The following DSCAM variants were observed in gnomAD, a reference collection of about 807,000 sequenced individuals.
The protein encoded by DSCAM is DS cell adhesion molecule, also known as cell adhesion molecule DSCAM.
In DSCAM, 47 loss-of-function variants were observed where a neutral mutation model predicts 217.7. The ratio of observed to expected loss-of-function variants is 0.22; its 90% confidence interval spans 0.17 to 0.28. The LOEUF (loss-of-function observed/expected upper bound fraction) is 0.28. Ranked by LOEUF, DSCAM falls within the 10% of genes least tolerant of loss-of-function variation. The pLI is 1.00. For synonymous variants in DSCAM, 1,056 were observed against 1,015.3 expected, an observed-to-expected ratio of 1.04 and a Z score of -0.76; for missense variants, 2,080 against 2,618.3, an observed-to-expected ratio of 0.79 and a Z score of 4.49.
intron 3 of DSCAM, among the ~76,000 whole-genome samples, chr21:40,410,199 T>C (rs1235148321): frequency 6.6e-6 from 1 of 152,070 alleles, no homozygotes; most frequent in East Asian, 1.9e-4. Context: ...ATAAGAAATT[T>C]AATATCTGAA....
At chr21:40,353,152 A>G (rs972856761) in intron 5 of DSCAM, among the ~76,000 whole-genome samples, 3 of 152,192 alleles carry the variant, frequency 2.0e-5, no homozygotes, top group Admixed American at 1.3e-4. Flanking sequence ...TTGTGAATTC[A>G]TCAGCTAGGA....
At chr21:40,761,544 C>T (rs2091335493) in intron 1 of DSCAM, among the ~76,000 whole-genome samples, 1 of 152,056 alleles carries the variant, frequency 6.6e-6, no homozygotes, top group Non-Finnish European at 1.5e-5. Context: ...CCTCACAGCT[C>T]TCAGAAAAAA....
At chr21:40,352,514 G>A (rs189421502) in intron 5 of DSCAM, among the ~76,000 whole-genome samples, 51 of 152,038 alleles carry the variant, frequency 3.4e-4, no homozygotes, top group East Asian at 1.5e-3. Context: ...CTGGTGTTGC[G>A]CTAAGGCAGT....
rs538045032 is a variant in DSCAM at position 40,425,233 on chromosome 21, A to G, written c.509-55988T>C. Among the ~76,000 whole-genome samples, 365 of 152,042 alleles carry G rather than the reference A, an allele frequency of 2.4e-3. 2 individuals are homozygous for G. Among genetic ancestry groups the G allele is most frequent in the African/African-American group, 8.2e-3 (341 of 41,472 alleles). On this transcript the variant is annotated intron_variant, in intron 3 of 32. Transcript: ENST00000400454. ...AGATAATGATGTAGCTGAGATTAAA[A>G]TTCTCTTCCCGGCCAGGCATGGTGG...
At chr21:40,102,825 C>T (rs114822478) in intron 20 of DSCAM, among the ~76,000 whole-genome samples, 1 of 152,310 alleles carries the variant, frequency 6.6e-6, no homozygotes, top group African/African-American at 2.4e-5. Flanking sequence ...CAATCAGGGG[C>T]TAAGTCTGCC....
intron 16 of DSCAM, among the ~76,000 whole-genome samples, chr21:40,148,059 T>C (rs1341351318): frequency 2.0e-5 from 3 of 152,168 alleles, no homozygotes; most frequent in Non-Finnish European, 4.4e-5. Context: ...TGCAATATCA[T>C]AGGGTAAGTT....
intron 30 of DSCAM, among the ~76,000 whole-genome samples, chr21:40,051,205 A>G (rs2088925518): frequency 6.6e-6 from 1 of 152,244 alleles, no homozygotes; most frequent in South Asian, 2.1e-4. Context: ...CAAAATGATA[A>G]TAATCAGGAC....
In DSCAM at chr21:40,338,183, T is replaced by C. The variant is rs1437111490; in HGVS notation, c.1701A>G (p.Glu567=). Residue 567 remains glutamate (E), a synonymous_variant, in exon 8 of 33, where the codon GAA becomes GAG. Transcript: ENST00000400454. The part of the protein sequence containing the change: ...GTLKLSDVQK[E]VDEGEYTCNV... The stretch of plus-strand genomic sequence containing the variant: ...TGCACGTGTACTCCCCCTCGTCCAC[T>C]TCCTTTTGCACATCTGAAAGTTTAA... 1.9e-6 allele frequency: 3 copies of C among 1,614,274 alleles called. No individual in the cohort carries two copies. Among genetic ancestry groups the C allele is most frequent in the African/African-American group, 1.3e-5 (1 of 75,074 alleles).
intron 32 of DSCAM, among the ~76,000 whole-genome samples, chr21:40,029,380 A>G (rs1287946671): frequency 1.3e-5 from 2 of 151,056 alleles, no homozygotes; most frequent in Non-Finnish European, 2.9e-5. Context: ...CCCCAGACAC[A>G]AGGTTATGAG....
chr21:40,464,323 C>A (rs1351111100), intron 3 of DSCAM, among the ~76,000 whole-genome samples: 2 of 152,170 alleles, frequency 1.3e-5, no homozygotes, highest in Non-Finnish European at 2.9e-5. Context: ...TGACAAGAAA[C>A]AATAAACAAG....
At chr21:40,334,802 C>T (rs953334080) in intron 8 of DSCAM, among the ~76,000 whole-genome samples, 2 of 152,118 alleles carry the variant, frequency 1.3e-5, no homozygotes, top group African/African-American at 4.8e-5. Flanking sequence ...CTCGTCCCAC[C>T]TTGCCTGGCT....
At chr21:40,846,320 G>T (rs1000807145) in intron 1 of DSCAM, among the ~76,000 whole-genome samples, 3 of 151,992 alleles carry the variant, frequency 2.0e-5, no homozygotes, top group Non-Finnish European at 4.4e-5. Context: ...ACCAAACCTG[G>T]TTTATTCTGA....
chr21:40,539,958 A>G (rs1046409959), intron 3 of DSCAM, among the ~76,000 whole-genome samples: 3 of 152,194 alleles, frequency 2.0e-5, no homozygotes, highest in Non-Finnish European at 4.4e-5. Context: ...AAATATGGCC[A>G]AAAAACCTGT....
At chr21:40,187,293 C>T (rs1024659191) in intron 13 of DSCAM, 34 bp from the exon 14 acceptor site, 9 of 1,611,214 alleles carry the variant, frequency 5.6e-6, no homozygotes, top group Non-Finnish European at 7.6e-6. Context: ...CGAGTTAGTT[C>T]AAACAGAGCT....
intron 3 of DSCAM, among the ~76,000 whole-genome samples, chr21:40,415,989 A>G (rs548151450): frequency 4.6e-5 from 7 of 152,288 alleles, no homozygotes; most frequent in African/African-American, 1.4e-4. Flanking sequence ...ATTACTTCAA[A>G]CTTCCAAAAT....
intron 3 of DSCAM, among the ~76,000 whole-genome samples, chr21:40,581,168 C>G (rs996011533): frequency 2.6e-5 from 4 of 152,170 alleles, no homozygotes; most frequent in African/African-American, 7.2e-5. Context: ...ATCCTTTAAA[C>G]GAAGAAGCAT....
intron 14 of DSCAM, among the ~76,000 whole-genome samples, chr21:40,183,561 T>C (rs1238871044): frequency 2.0e-5 from 3 of 152,178 alleles, no homozygotes; most frequent in African/African-American, 7.2e-5. Context: ...AGGAAAGTCA[T>C]CTGTTGTCAA....
At chr21:40,113,589 G>A (rs1312796498) in intron 20 of DSCAM, among the ~76,000 whole-genome samples, 1 of 152,090 alleles carries the variant, frequency 6.6e-6, no homozygotes, top group Non-Finnish European at 1.5e-5. Context: ...AGGAAATAAA[G>A]GGTATTCAAG....
At chr21:40,558,254 G>C (rs890338064) in intron 3 of DSCAM, among the ~76,000 whole-genome samples, 3 of 151,980 alleles carry the variant, frequency 2.0e-5, no homozygotes, top group African/African-American at 7.3e-5. Flanking sequence ...AGACCATCCT[G>C]GTTAACACGG....
Sources: allele counts gnomAD v4.1 joint callset (sites outside exome capture counted in the v4.1 genomes callset), GRCh38; gene constraint gnomAD v4.1.1; transcripts MANE v1.5; gene names NCBI Gene and HGNC (gene_info 2026-07-23, HGNC 2026-07-21).